The following PFKM variants were observed in gnomAD, a reference collection of about 807,000 sequenced individuals.
PFKM encodes the protein phosphofructokinase, muscle.
In PFKM, 58 loss-of-function variants were observed where a neutral mutation model predicts 95.5. That is an observed-to-expected ratio of 0.61 (90% CI 0.49 to 0.76). The LOEUF (loss-of-function observed/expected upper bound fraction) is 0.76. PFKM is among the 30% of genes least tolerant of loss of function. The probability of loss-of-function intolerance (pLI) is 0.00; values close to 1 mark genes in which losing one functional copy is unlikely to be tolerated. For synonymous variants in PFKM, 336 were observed against 357.2 expected, an observed-to-expected ratio of 0.94 and a Z score of 0.67; for missense variants, 678 against 1,005.4, an observed-to-expected ratio of 0.67 and a Z score of 4.40.
upstream of PFKM, among the ~76,000 whole-genome samples, chr12:48,115,499 G>C (rs1175382055): frequency 6.6e-6 from 1 of 152,198 alleles, no homozygotes; most frequent in Non-Finnish European, 1.5e-5. Context: ...TAAAGGTGGG[G>C]GAGATTACAA....
In PFKM at chr12:48,141,785, T is replaced by C; in HGVS notation, c.1458T>C (p.Thr486=). Residue 486 remains threonine (T), a synonymous_variant, in exon 16 of 23, where the codon ACT becomes ACC. Transcript: ENST00000359794. The part of the protein sequence containing the change: ...KSFEQISANI[T]KFNIQGLVII... ...TTGAACAGATCAGTGCCAATATAAC[T>C]AAGTTTAACATTCAGGGCCTTGTCA... 1 of 1,613,880 alleles carries C rather than the reference T, an allele frequency of 6.2e-7. No individual in the cohort carries two copies. The highest frequency in any genetic ancestry group is 8.5e-7 in the Non-Finnish European group (1 of 1,179,832).
intron 3 of PFKM, among the ~76,000 whole-genome samples, chr12:48,113,704 G>A (rs1947415917): frequency 6.6e-6 from 1 of 152,228 alleles, no homozygotes; most frequent in Non-Finnish European, 1.5e-5. Flanking sequence ...CACAGTGGAG[G>A]CAAGTAATTG....
In PFKM at chr12:48,135,012, C is replaced by A. The variant is rs576835893; in HGVS notation, c.817C>A (p.Pro273Thr). 5.1e-5 allele frequency: 83 copies of A among 1,613,540 alleles called. No homozygotes were observed. The highest frequency in any genetic ancestry group is 6.8e-5 in the Non-Finnish European group (80 of 1,179,498). The change falls in exon 9 of 23, where the codon CCA (proline) becomes ACA (threonine). Residue 273 changes from proline (P) to threonine (T), a missense_variant. Pro to Thr is a conservative substitution (Grantham distance 38, BLOSUM62 -1). Coordinates refer to ENST00000359794, the MANE Select transcript of PFKM (RefSeq NM_000289.6). Reference sequence around the variant, plus strand: ...GGGTGCAATTGACAAGAATGGAAAACCAATCACCTCAGAAGACATCAAGAA... The same window carrying A: ...GGGTGCAATTGACAAGAATGGAAAAACAATCACCTCAGAAGACATCAAGAA... ...AEGAIDKNGK[P>T]ITSEDIKNLV...
intron 3 of PFKM, among the ~76,000 whole-genome samples, chr12:48,110,920 T>C (rs1313861470): frequency 6.6e-6 from 1 of 152,186 alleles, no homozygotes; most frequent in Non-Finnish European, 1.5e-5. Context: ...GTGAGTCATC[T>C]AGGCTGTACA....
At chr12:48,116,239 C>G (rs914845561), upstream of PFKM, among the ~76,000 whole-genome samples, 1 of 149,458 alleles carries the variant, frequency 6.7e-6, no homozygotes, top group African/African-American at 2.5e-5. Flanking sequence ...CTTCCCTCCC[C>G]CTCTCCCTCC....
In PFKM at chr12:48,135,167, GC is replaced by G; in HGVS notation, c.844-122del. The G allele has an allele frequency of 4.5e-6, 5 of 1,108,118 alleles. No homozygotes were observed. The South Asian group carries it at 6.3e-5, about 14-fold the overall frequency. 68.6% of individuals were successfully genotyped at this position (1,108,118 alleles called of 1,614,324 possible). On this transcript the variant is annotated intron_variant, in intron 9 of 22. Coordinates refer to ENST00000359794, the MANE Select transcript of PFKM (RefSeq NM_000289.6). ...TCTCCCTGGTTCCCTGCCCCTGATT[GC>G]CTCCCACAAAGAACCATTACAAGAC...
chr12:48,116,131 T>G (rs1339284154), upstream of PFKM, among the ~76,000 whole-genome samples: 1 of 141,152 alleles, frequency 7.1e-6, no homozygotes, highest in African/African-American at 2.6e-5. Flanking sequence ...CCTCCCTTCC[T>G]TCCTTCCTTC....
At chr12:48,136,133 C>T (rs79485260) in intron 10 of PFKM, among the ~76,000 whole-genome samples, 2,968 of 152,238 alleles carry the variant, frequency 0.019, 63 homozygotes, top group East Asian at 0.092. Context: ...GTGATCCACC[C>T]GCCTCGGCCT....
At chr12:48,119,241 G>A (rs765876195), upstream of PFKM, 302 of 982,660 alleles carry the variant, frequency 3.1e-4, 1 homozygote, top group Admixed American at 1.2e-3. Flanking sequence ...GGAGGAGGCG[G>A]AGCCTTCTTG....
chr12:48,107,083 G>T (rs1464668697), intron 1 of PFKM, among the ~76,000 whole-genome samples: 1 of 152,150 alleles, frequency 6.6e-6, no homozygotes, highest in Admixed American at 6.5e-5. Flanking sequence ...TTTACACCCA[G>T]ATCACAGCCA....
intron 1 of PFKM, chr12:48,106,249 A>G: frequency 1.6e-6 from 1 of 619,554 alleles, no homozygotes; most frequent in Non-Finnish European, 2.9e-6. Context: ...ATTTAAGACT[A>G]GTCGTAATTT....
At position 48,131,398 on chromosome 12, in the gene PFKM, G is replaced by C; in HGVS notation, c.237+5G>C. On this transcript the variant is annotated splice_donor_5th_base_variant and intron_variant, in intron 4 of 22. Transcript: ENST00000359794. ...GTTTCGATGATGCTTCAGCTGGTAT[G>C]TTCCAGAGAACTCCCTGTCCCATAT... 6.2e-7 allele frequency: 1 copy of C among 1,604,258 alleles called. No homozygotes were observed. The highest frequency in any genetic ancestry group is 8.5e-7 in the Non-Finnish European group (1 of 1,171,140).
exon 2 of PFKM, chr12:48,107,425 C>T (rs760417703): frequency 1.4e-5 from 22 of 1,598,434 alleles, no homozygotes; most frequent in Non-Finnish European, 1.8e-5. Flanking sequence ...GATTCAGTCT[C>T]GCCAGTTAGT....
chr12:48,123,902 A>C (rs1948551279), intron 2 of PFKM, among the ~76,000 whole-genome samples: 1 of 152,262 alleles, frequency 6.6e-6, no homozygotes. Flanking sequence ...TAATCAGTGA[A>C]AACTTCATGG....
intron 4 of PFKM, chr12:48,132,137 C>T (rs1285539390): frequency 2.2e-6 from 1 of 452,694 alleles, no homozygotes; most frequent in Non-Finnish European, 4.4e-6. Context: ...CCAGAATTCT[C>T]CACCAGTATC....
At chr12:48,134,342 G>C in intron 7 of PFKM, 66 bp downstream of exon 7, 1 of 1,346,884 alleles carries the variant, frequency 7.4e-7, no homozygotes. Flanking sequence ...TTTCCCCAGA[G>C]AGTCCAGTGA....
At position 48,106,936 on chromosome 12, in the gene PFKM, C is replaced by G. The variant is rs192217970; in HGVS notation, c.-9-429C>G. ...TGGGACACATTGATTAACCTGGAAT[C>G]TGCCATACTTTCTAAGAGAACATAA... On this transcript the variant is annotated intron_variant, in intron 1 of 24. Transcript: ENST00000340802. Among the ~76,000 whole-genome samples, 4 of 152,340 alleles carry G rather than the reference C, an allele frequency of 2.6e-5. No homozygotes were observed. In the East Asian group the frequency reaches 5.8e-4, roughly 22 times the overall value.
chr12:48,132,308 C>T (rs1336242366), intron 4 of PFKM: 2 of 291,718 alleles, frequency 6.9e-6, no homozygotes, highest in Non-Finnish European at 1.3e-5. Context: ...TTACCTAGAG[C>T]TATTTTTCCT....
At position 48,120,980 on chromosome 12, in the gene PFKM, G is replaced by A. The variant is rs190578868; in HGVS notation, c.-9+1574G>A. ...AGCTTGACCGACATGGTGAAAACCC[G>A]TCTCAATTAAAAATACAAAAATTAG... On this transcript the variant is annotated intron_variant, in intron 1 of 22. Transcript: ENST00000359794. Among the ~76,000 whole-genome samples, 140 of 152,294 alleles carry A rather than the reference G, an allele frequency of 9.2e-4. 2 individuals are homozygous for A. The highest frequency in any genetic ancestry group is 6.8e-3 in the Middle Eastern group (2 of 294).
Sources: gnomAD v4.1 joint callset for allele counts (sites outside exome capture counted in the v4.1 genomes callset) on GRCh38, gnomAD v4.1.1 for gene constraint, MANE v1.5 for transcripts, NCBI Gene and HGNC (gene_info 2026-07-23, HGNC 2026-07-21) for gene names.